Variants in PBX1 observed in about 807,000 individuals in gnomAD.
PBX1 encodes PBX homeobox 1.
A neutral mutation model predicts 53.4 loss-of-function variants in PBX1; 6 were observed. The observed-to-expected ratio is 0.11, with a 90% CI of 0.06 to 0.22. The LOEUF (loss-of-function observed/expected upper bound fraction) is 0.22, where lower values mean the gene tolerates loss of function less well. Ranked by LOEUF, PBX1 falls within the 10% of genes least tolerant of loss-of-function variation. PBX1 has a pLI of 1.00. For synonymous variants in PBX1, 204 were observed against 212.3 expected, an observed-to-expected ratio of 0.96 and a Z score of 0.34; for missense variants, 251 against 551.4, an observed-to-expected ratio of 0.46 and a Z score of 5.46.
chr1:164,839,814 A>G (rs9803688), intron 8 of PBX1, among the ~76,000 whole-genome samples: 9,884 of 152,130 alleles, frequency 0.065, 328 homozygotes, highest in African/African-American at 0.087. Flanking sequence ...AGATCTCAGG[A>G]TTCAAGAGGC....
intron 2 of PBX1, among the ~76,000 whole-genome samples, chr1:164,715,305 A>G (rs941151082): frequency 2.0e-5 from 3 of 152,218 alleles, no homozygotes; most frequent in African/African-American, 4.8e-5. Context: ...TTGGTAGTAT[A>G]TGGAAGACCT....
intron 2 of PBX1, among the ~76,000 whole-genome samples, chr1:164,725,799 G>A (rs1387388): frequency 0.05 from 7,581 of 152,200 alleles, 219 homozygotes; most frequent in South Asian, 0.14. Context: ...ACTGTGAGGT[G>A]TAGCTATCCA....
chr1:164,623,104 C>T (rs1361560673), intron 2 of PBX1, among the ~76,000 whole-genome samples: 1 of 152,188 alleles, frequency 6.6e-6, no homozygotes, highest in African/African-American at 2.4e-5. Context: ...TGAGCCAACA[C>T]GCCTGGCCAG....
At chr1:164,604,381 T>G (rs1374177533) in intron 2 of PBX1, among the ~76,000 whole-genome samples, 3 of 152,214 alleles carry the variant, frequency 2.0e-5, no homozygotes, top group Non-Finnish European at 4.4e-5. Flanking sequence ...TTGCACAGTG[T>G]TCCCATTACT....
chr1:164,724,382 T>A (rs1664571459), intron 2 of PBX1, among the ~76,000 whole-genome samples: 1 of 152,176 alleles, frequency 6.6e-6, no homozygotes, highest in African/African-American at 2.4e-5. Context: ...CCTTGGCCAC[T>A]CTTTTGGCTT....
chr1:164,635,684 A>G (rs949492696), intron 2 of PBX1, among the ~76,000 whole-genome samples: 2 of 152,170 alleles, frequency 1.3e-5, no homozygotes, highest in African/African-American at 2.4e-5. Context: ...ACACTCAGCT[A>G]TCAGGGTACA....
intron 2 of PBX1, among the ~76,000 whole-genome samples, chr1:164,567,493 T>A (rs1653517579): frequency 1.3e-5 from 2 of 152,040 alleles, no homozygotes; most frequent in Admixed American, 1.3e-4. Flanking sequence ...GGGGATCAAA[T>A]GAAAGGAACT....
intron 2 of PBX1, among the ~76,000 whole-genome samples, chr1:164,876,910 C>T (rs953980262): frequency 3.3e-5 from 5 of 152,260 alleles, no homozygotes; most frequent in African/African-American, 9.6e-5. Flanking sequence ...CTCCCGGCCC[C>T]CTGCCGTGCA....
intron 2 of PBX1, among the ~76,000 whole-genome samples, chr1:164,571,582 A>G (rs941093135): frequency 3.0e-5 from 4 of 135,430 alleles, no homozygotes; most frequent in Admixed American, 1.5e-4. Context: ...TTGCTTATTC[A>G]TTATTCAGTT....
At chr1:164,686,076 C>T (rs893257443) in intron 2 of PBX1, among the ~76,000 whole-genome samples, 1 of 152,084 alleles carries the variant, frequency 6.6e-6, no homozygotes, top group Non-Finnish European at 1.5e-5. Context: ...TTTCTCCAGC[C>T]CTCCATTTAT....
chr1:164,653,386 G>C (rs571103544), intron 2 of PBX1, among the ~76,000 whole-genome samples: 2 of 150,866 alleles, frequency 1.3e-5, no homozygotes, highest in African/African-American at 4.9e-5. Context: ...AATTTAGTAT[G>C]TAAGATACAA....
At chr1:164,789,230 A>C (rs1331374804) in intron 2 of PBX1, among the ~76,000 whole-genome samples, 1 of 152,176 alleles carries the variant, frequency 6.6e-6, no homozygotes, top group South Asian at 2.1e-4. Flanking sequence ...AGGCCAAGAA[A>C]TGTATTAATT....
chr1:164,804,357 C>T (rs926537382), intron 4 of PBX1, among the ~76,000 whole-genome samples: 2 of 152,092 alleles, frequency 1.3e-5, no homozygotes, highest in Non-Finnish European at 2.9e-5. Flanking sequence ...GAGCTACAAT[C>T]TTTTTCCAGG....
chr1:164,768,590 G>A (rs908638278), intron 2 of PBX1, among the ~76,000 whole-genome samples: 1 of 152,192 alleles, frequency 6.6e-6, no homozygotes, highest in Non-Finnish European at 1.5e-5. Flanking sequence ...AGTGGTTCCC[G>A]ATAGAATGGT....
intron 2 of PBX1, among the ~76,000 whole-genome samples, chr1:164,632,830 C>T (rs919907164): frequency 1.3e-5 from 2 of 151,994 alleles, no homozygotes; most frequent in East Asian, 1.9e-4. Context: ...GCAGTAAACA[C>T]GGAGGCACAA....
chr1:164,817,432 T>G (rs1184448285), intron 6 of PBX1: 1 of 152,264 alleles, frequency 6.6e-6, no homozygotes, highest in African/African-American at 2.4e-5. Flanking sequence ...TAGTGGCACC[T>G]GGTCTCTTCC....
At chr1:164,752,567 G>T (rs1297018214) in intron 2 of PBX1, among the ~76,000 whole-genome samples, 2 of 152,110 alleles carry the variant, frequency 1.3e-5, no homozygotes, top group Non-Finnish European at 2.9e-5. Flanking sequence ...TAATTAAGTG[G>T]TAGGTCCTGT....
At chr1:164,758,674 C>T (rs187402142) in intron 2 of PBX1, among the ~76,000 whole-genome samples, 14 of 152,216 alleles carry the variant, frequency 9.2e-5, no homozygotes, top group African/African-American at 3.1e-4. Context: ...TATACTTGGC[C>T]CCTTCAAAGT....
At chr1:164,568,673 C>T (rs1653606170) in intron 2 of PBX1, among the ~76,000 whole-genome samples, 1 of 152,120 alleles carries the variant, frequency 6.6e-6, no homozygotes, top group Non-Finnish European at 1.5e-5. Context: ...CACAGGATAT[C>T]ACTGCATTTC....
Sources: gnomAD v4.1 joint callset for allele counts (sites outside exome capture counted in the v4.1 genomes callset) on GRCh38, gnomAD v4.1.1 for gene constraint, MANE v1.5 for transcripts, NCBI Gene and HGNC (gene_info 2026-07-23, HGNC 2026-07-21) for gene names.